The following TMEM132D variants were observed in gnomAD, a reference collection of about 807,000 sequenced individuals.
TMEM132D encodes the protein transmembrane protein 132D.
In TMEM132D, 21 loss-of-function variants were observed where a neutral mutation model predicts 62.3. The ratio of observed to expected loss-of-function variants is 0.34; its 90% CI spans 0.24 to 0.49. The LOEUF (loss-of-function observed/expected upper bound fraction) is 0.49, where lower values mean the gene tolerates loss of function less well. TMEM132D is among the 20% of genes least tolerant of loss of function. TMEM132D has a pLI of 0.99. For synonymous variants in TMEM132D, 621 were observed against 575.6 expected, an observed-to-expected ratio of 1.08 and a Z score of -1.13; for missense variants, 1,346 against 1,402.8, an observed-to-expected ratio of 0.96 and a Z score of 0.65.
At chr12:129,447,479 T>A (rs1873132715) in intron 3 of TMEM132D, among the ~76,000 whole-genome samples, 1 of 152,186 alleles carries the variant, frequency 6.6e-6, no homozygotes, top group Non-Finnish European at 1.5e-5. Context: ...AACTACATAC[T>A]GCCTGCCGAG....
At chr12:129,411,033 T>C (rs1283878585) in intron 3 of TMEM132D, among the ~76,000 whole-genome samples, 5 of 152,180 alleles carry the variant, frequency 3.3e-5, no homozygotes, top group African/African-American at 1.2e-4. Flanking sequence ...TTGTTAACTG[T>C]TTTGTTGTTG....
At position 129,245,032 on chromosome 12, in the gene TMEM132D, C is replaced by G. The variant is rs73148851; in HGVS notation, c.1300-35369G>C. On this transcript the variant is annotated intron_variant, in intron 4 of 8. Coordinates refer to ENST00000422113, the MANE Select transcript of TMEM132D (RefSeq NM_133448.3). Reference sequence around the variant, plus strand: ...TAAGCCCATATTCTTTTAATTAATGCTTATTTTACAGAAAAATCAATCCTG... The same window carrying G: ...TAAGCCCATATTCTTTTAATTAATGGTTATTTTACAGAAAAATCAATCCTG... Among the ~76,000 whole-genome samples, 229 of 152,274 alleles carry G rather than the reference C, an allele frequency of 1.5e-3. 1 individual carries two copies. Among genetic ancestry groups the G allele is most frequent in the Non-Finnish European group, 1.5e-3 (101 of 68,020 alleles).
At chr12:129,402,175 A>G (rs1871643280) in intron 3 of TMEM132D, among the ~76,000 whole-genome samples, 1 of 152,164 alleles carries the variant, frequency 6.6e-6, no homozygotes, top group South Asian at 2.1e-4. Flanking sequence ...ATGTTGCTGC[A>G]TGGCTAGAGA....
At chr12:129,317,087 T>A (rs547391138) in intron 4 of TMEM132D, among the ~76,000 whole-genome samples, 35 of 152,334 alleles carry the variant, frequency 2.3e-4, no homozygotes, top group African/African-American at 7.9e-4. Flanking sequence ...TTATGTATTC[T>A]GTGGTTTTTA....
chr12:129,488,925 A>G (rs570736912), intron 3 of TMEM132D, among the ~76,000 whole-genome samples: 2 of 152,282 alleles, frequency 1.3e-5, no homozygotes, highest in Middle Eastern at 3.4e-3. Context: ...AGATAGGCTC[A>G]TCTCAACCAG....
chr12:129,658,238 C>G (rs1006163000), intron 2 of TMEM132D, among the ~76,000 whole-genome samples: 2 of 152,104 alleles, frequency 1.3e-5, no homozygotes, highest in African/African-American at 4.8e-5. Context: ...TTAGAAAAAC[C>G]ACTGTAGTTT....
intron 3 of TMEM132D, among the ~76,000 whole-genome samples, chr12:129,414,545 G>A (rs1872059376): frequency 6.6e-6 from 1 of 152,134 alleles, no homozygotes; most frequent in South Asian, 2.1e-4. Flanking sequence ...TTATGATGGG[G>A]GGATGCAGCA....
At chr12:129,886,217 T>C (rs1021960821) in intron 1 of TMEM132D, among the ~76,000 whole-genome samples, 4 of 152,170 alleles carry the variant, frequency 2.6e-5, no homozygotes, top group African/African-American at 9.7e-5. Flanking sequence ...GGCTATGGGA[T>C]GGTAGTGTTA....
At chr12:129,677,109 G>A (rs932655955) in intron 2 of TMEM132D, among the ~76,000 whole-genome samples, 1 of 152,158 alleles carries the variant, frequency 6.6e-6, no homozygotes, top group Non-Finnish European at 1.5e-5. Flanking sequence ...TTGAATGACA[G>A]TTAATACGGT....
chr12:129,420,527 A>G (rs1029855635), intron 3 of TMEM132D, among the ~76,000 whole-genome samples: 2 of 152,050 alleles, frequency 1.3e-5, no homozygotes, highest in Non-Finnish European at 2.9e-5. Flanking sequence ...ATTCTACCCA[A>G]CAGGACAGCC....
At chr12:129,512,532 C>G (rs535778166) in intron 3 of TMEM132D, among the ~76,000 whole-genome samples, 1 of 152,230 alleles carries the variant, frequency 6.6e-6, no homozygotes, top group African/African-American at 2.4e-5. Flanking sequence ...TGTAGTGTAA[C>G]AAAACAGCAT....
chr12:129,662,587 G>A (rs1880266405), intron 2 of TMEM132D, among the ~76,000 whole-genome samples: 2 of 152,212 alleles, frequency 1.3e-5, no homozygotes, highest in South Asian at 2.1e-4. Context: ...GAGGTCAAGA[G>A]ATCAAGACCA....
chr12:129,546,927 A>G (rs1328839825), intron 2 of TMEM132D, among the ~76,000 whole-genome samples: 1 of 152,234 alleles, frequency 6.6e-6, no homozygotes, highest in Admixed American at 6.5e-5. Context: ...CAGTTTATTA[A>G]TAAGCTAATT....
intron 2 of TMEM132D, among the ~76,000 whole-genome samples, chr12:129,607,427 C>T (rs1878657151): frequency 6.6e-6 from 1 of 152,234 alleles, no homozygotes; most frequent in Non-Finnish European, 1.5e-5. Context: ...ACGGTCAGGG[C>T]TGACCACCTG....
intron 1 of TMEM132D, among the ~76,000 whole-genome samples, chr12:129,755,009 G>A (rs957204315): frequency 5.9e-5 from 9 of 152,156 alleles, no homozygotes; most frequent in African/African-American, 2.2e-4. Flanking sequence ...TGGAATCAAA[G>A]CAGTTGGTAA....
At chr12:129,202,574 G>C (rs1318686323) in intron 5 of TMEM132D, among the ~76,000 whole-genome samples, 1 of 152,148 alleles carries the variant, frequency 6.6e-6, no homozygotes, top group Non-Finnish European at 1.5e-5. Context: ...AAGAGTTCCT[G>C]CCCAAGTCTG....
chr12:129,555,497 C>T (rs1176065389), intron 2 of TMEM132D, among the ~76,000 whole-genome samples: 2 of 152,300 alleles, frequency 1.3e-5, no homozygotes, highest in East Asian at 3.9e-4. Flanking sequence ...AGCAACCATA[C>T]ATTTATTTCG....
At chr12:129,368,609 T>C (rs1870499613) in intron 3 of TMEM132D, among the ~76,000 whole-genome samples, 1 of 152,052 alleles carries the variant, frequency 6.6e-6, no homozygotes, top group Non-Finnish European at 1.5e-5. Context: ...CACTCCACCA[T>C]ACAGACCCCA....
At chr12:129,753,513 C>A (rs537769859) in intron 1 of TMEM132D, among the ~76,000 whole-genome samples, 7 of 152,160 alleles carry the variant, frequency 4.6e-5, no homozygotes, top group African/African-American at 1.7e-4. Context: ...CAATCCTGGA[C>A]TTTCACAAAT....
Sources: gnomAD v4.1 joint callset for allele counts (sites outside exome capture counted in the v4.1 genomes callset) on GRCh38, gnomAD v4.1.1 for gene constraint, MANE v1.5 for transcripts, NCBI Gene and HGNC (gene_info 2026-07-23, HGNC 2026-07-21) for gene names.